Variants in VCPIP1 observed in about 807,000 individuals in gnomAD.
VCPIP1 encodes the protein deubiquitinating protein VCPIP1.
Under a neutral mutation model 85.0 loss-of-function variants are expected in VCPIP1, and 8 were observed. The ratio of observed to expected loss-of-function variants is 0.09; its 90% CI spans 0.06 to 0.17. The LOEUF (loss-of-function observed/expected upper bound fraction) is 0.17, where lower values mean the gene tolerates loss of function less well. VCPIP1 is among the 10% of genes least tolerant of loss of function. The pLI is 1.00. For missense variants in VCPIP1, 1,070 were observed against 1,486.3 expected, an observed-to-expected ratio of 0.72 and a Z score of 4.61; for synonymous variants, 543 against 544.5, an observed-to-expected ratio of 1.00 and a Z score of 0.04.
At chr8:66,652,198 G>C (rs1811061115) in intron 1 of VCPIP1, among the ~76,000 whole-genome samples, 2 of 151,964 alleles carry the variant, frequency 1.3e-5, no homozygotes, top group African/African-American at 4.8e-5. Context: ...TTCAAAAAAA[G>C]AAAAAACCAC....
chr8:66,665,466 G>T lies in VCPIP1; in HGVS notation c.1493C>A (p.Thr498Asn). The change falls in exon 1 of 3, where the codon ACT (threonine) becomes AAT (asparagine). Residue 498 changes from threonine (T) to asparagine (N), a missense_variant. By Grantham distance (65) the Thr-to-Asn change is moderately conservative (BLOSUM62 0). Transcript: ENST00000310421. The surrounding 1 kb of genome is among the most constrained non-coding windows in gnomAD (Gnocchi z 4.3). ...GGKLYNLAKS[T>N]HGQLRTDKNY... ...TTTGTCAGTCCTCAGCTGTCCATGA[G>T]TACTTTTTGCCAGGTTATACAATTT... 1 of 1,614,206 alleles carries T rather than the reference G, an allele frequency of 6.2e-7. No individual in the cohort carries two copies. Among genetic ancestry groups the T allele is most frequent in the Non-Finnish European group, 8.5e-7 (1 of 1,180,038 alleles).
Position 66,659,708 on chromosome 8 carries a change from A to G in VCPIP1, c.2710+4541T>C, listed in dbSNP as rs557305518. Among the ~76,000 whole-genome samples, 4 of 152,184 alleles carry G rather than the reference A, an allele frequency of 2.6e-5. No individual in the cohort carries two copies. In the South Asian group the frequency reaches 8.3e-4, roughly 32 times the overall value. On this transcript the variant is annotated intron_variant, in intron 1 of 2. Transcript: ENST00000310421. ...GCACTTTGGGAAGCCGAGGCGGTGGATTGTCTGAGCTCAGGAGTTCGAGAC... is the reference window on the plus strand; with the variant it reads ...GCACTTTGGGAAGCCGAGGCGGTGGGTTGTCTGAGCTCAGGAGTTCGAGAC...
At chr8:66,651,027 A>G (rs1347528471) in intron 2 of VCPIP1, among the ~76,000 whole-genome samples, 1 of 151,878 alleles carries the variant, frequency 6.6e-6, no homozygotes, top group East Asian at 1.9e-4. Flanking sequence ...CTCTACTAAA[A>G]ATACAAAATT....
rs1454792640 is a variant in VCPIP1 at position 66,629,376 on chromosome 8, C to A, written c.*5125G>T. 1 of 152,154 alleles carries A rather than the reference C, an allele frequency of 6.6e-6. No individual in the cohort carries two copies. The highest frequency in any genetic ancestry group is 1.5e-5 in the Non-Finnish European group (1 of 68,026). 9.4% of individuals were successfully genotyped at this position (152,154 alleles called of 1,614,324 possible). A position where few individuals can be genotyped will look rare whatever the true frequency, so the allele number is the denominator to read the frequency against. ...ATATACAATAAAACTTGGAAGTAAA[C>A]GTGTTGACTGCTAAGCTACACAAAC... On this transcript the variant is annotated 3_prime_UTR_variant, in exon 3 of 3. Coordinates refer to ENST00000310421, the MANE Select transcript of VCPIP1 (RefSeq NM_025054.5).
chr8:66,636,726 A>G (rs1310135428), intron 2 of VCPIP1, among the ~76,000 whole-genome samples: 1 of 151,928 alleles, frequency 6.6e-6, no homozygotes, highest in African/African-American at 2.4e-5. Context: ...CCTGGGCAAC[A>G]GAACAAGACT....
chr8:66,666,618 G>A lies in VCPIP1; in HGVS notation c.341C>T (p.Thr114Met), dbSNP rs1292653428. Residue 114 changes from threonine (T) to methionine (M), a missense_variant, in exon 1 of 3, where the codon ACG (threonine) becomes ATG (methionine). This residue lies in a region of VCPIP1 where 164 missense variants were observed against 158.6 expected (regional missense o/e 1.03). Transcript: ENST00000310421. This position sits in a 1 kb window ranked among gnomAD's most constrained non-coding sequence, Gnocchi z 6.3. ...LGVTGAPKKNTELVKVMGLSN... is the reference protein window; with the variant it reads ...LGVTGAPKKNMELVKVMGLSN... The stretch of plus-strand genomic sequence containing the variant: ...AAGGCCCATCACCTTTACCAGTTCC[G>A]TGTTCTTCTTGGGTGCCCCCGTAAC... 1.2e-6 allele frequency: 2 copies of A among 1,614,110 alleles called. No homozygotes were observed. Among genetic ancestry groups the A allele is most frequent in the South Asian group, 1.1e-5 (1 of 91,084 alleles).
At chr8:66,648,039 C>T (rs534227519) in intron 2 of VCPIP1, among the ~76,000 whole-genome samples, 11 of 152,082 alleles carry the variant, frequency 7.2e-5, no homozygotes, top group Admixed American at 3.9e-4. Context: ...CTGAGCAATC[C>T]GCTCACCTTG....
rs376867831 is a variant in VCPIP1 at position 66,648,074 on chromosome 8, G to C, written c.2797+3384C>G. Among the ~76,000 whole-genome samples the C allele has an allele frequency of 2.2e-4, 33 of 152,242 alleles. 1 individual carries two copies. The South Asian group carries it at 6.8e-3, about 32-fold the overall frequency. On this transcript the variant is annotated intron_variant, in intron 2 of 2. Coordinates refer to ENST00000310421, the MANE Select transcript of VCPIP1 (RefSeq NM_025054.5). ...GGCCTCCCAAAGTGCTGGGATTACAGGTGTGAGCCACAGTACCTGGCCAGT... is the reference window on the plus strand; with the variant it reads ...GGCCTCCCAAAGTGCTGGGATTACACGTGTGAGCCACAGTACCTGGCCAGT...
At position 66,634,726 on chromosome 8, in the gene VCPIP1, T is replaced by C. The variant is rs1368430350; in HGVS notation, c.3444A>G (p.Ala1148=). Residue 1148 remains alanine (A), a synonymous_variant, in exon 3 of 3, where the codon GCA becomes GCG. Transcript: ENST00000310421. Reference sequence around the variant, plus strand: ...AACCAGTCTGAAGACTCCCAGACTTTGCAGAAGAACTCACAACTTCTGTTT... The same window carrying C: ...AACCAGTCTGAAGACTCCCAGACTTCGCAGAAGAACTCACAACTTCTGTTT... ...QRKTEVVSSS[A]KSGSLQTGLP... is the part of the protein sequence containing the mutation. 4 of 1,614,218 alleles carry C rather than the reference T, an allele frequency of 2.5e-6. No individual in the cohort carries two copies. Among genetic ancestry groups the C allele is most frequent in the East Asian group, 2.2e-5 (1 of 44,890 alleles).
rs1413326611 is a variant in VCPIP1 at position 66,667,225 on chromosome 8, C to CAA, written c.-268_-267insTT. On this transcript the variant is annotated 5_prime_UTR_variant, in exon 1 of 3. Coordinates refer to ENST00000310421, the MANE Select transcript of VCPIP1 (RefSeq NM_025054.5). ...TCACTCACTCTCGCTCTCTCTCCCT[C>CAA]AGACACAGACATACACGCCCTCATT... 1 of 592,630 alleles carries CAA rather than the reference C, an allele frequency of 1.7e-6. No individual in the cohort carries two copies. Among genetic ancestry groups the CAA allele is most frequent in the Non-Finnish European group, 2.7e-6 (1 of 367,292 alleles). The allele number at this position is 592,630 out of a possible 1,614,324, so 36.7% of individuals were successfully genotyped here.
At position 66,664,939 on chromosome 8, in the gene VCPIP1, G is replaced by C. The variant is rs1563572849; in HGVS notation, c.2020C>G (p.Gln674Glu). ...TPVNIDGAHAQRVGDVQGQES... is the reference protein window; with the variant it reads ...TPVNIDGAHAERVGDVQGQES... ...TGTCCTTGAACATCTCCAACTCTTTGGGCGTGAGCACCATCTATATTTACA... is the reference window on the plus strand; with the variant it reads ...TGTCCTTGAACATCTCCAACTCTTTCGGCGTGAGCACCATCTATATTTACA... Residue 674 changes from glutamine (Q) to glutamate (E), a missense_variant, in exon 1 of 3, where the codon CAA becomes GAA. Around this residue, in one of 8 missense-constraint regions of VCPIP1, gnomAD observed 278 missense variants for 298.5 expected, o/e 0.93. Transcript: ENST00000310421. The C allele has an allele frequency of 6.2e-7, 1 of 1,613,984 alleles. No homozygotes were observed. The highest frequency in any genetic ancestry group is 1.3e-5 in the African/African-American group (1 of 74,918).
rs992864643 is a variant in VCPIP1 at position 66,631,038 on chromosome 8, C to A, written c.*3463G>T. 1.3e-5 allele frequency: 2 copies of A among 151,832 alleles called. No homozygotes were observed. The highest frequency in any genetic ancestry group is 4.8e-5 in the African/African-American group (2 of 41,318). The allele number at this position is 151,832 out of a possible 1,614,324, so 9.4% of individuals were successfully genotyped here. On this transcript the variant is annotated 3_prime_UTR_variant, in exon 3 of 3. Transcript: ENST00000310421. ...TGCATTTACTCAACTTAGAATATGG[C>A]GCTATTATTATTATAAATGGTGGTT...
chr8:66,654,699 C>T (rs192698698), intron 1 of VCPIP1, among the ~76,000 whole-genome samples: 9 of 152,322 alleles, frequency 5.9e-5, no homozygotes, highest in Non-Finnish European at 1.2e-4. Flanking sequence ...GCACCACTCT[C>T]CTATGGCTCT....
chr8:66,652,918 C>T (rs538423753), intron 1 of VCPIP1, among the ~76,000 whole-genome samples: 4 of 152,224 alleles, frequency 2.6e-5, no homozygotes, highest in African/African-American at 9.6e-5. Context: ...TAACTTTTGT[C>T]TTCCCTACAT....
intron 2 of VCPIP1, among the ~76,000 whole-genome samples, chr8:66,637,751 C>G (rs1190993275): frequency 6.6e-6 from 1 of 151,960 alleles, no homozygotes; most frequent in African/African-American, 2.4e-5. Context: ...GGGCGGATCA[C>G]AAGGTCAGGA....
chr8:66,662,390 T>C lies in VCPIP1; in HGVS notation c.2710+1859A>G, dbSNP rs74197440. Among the ~76,000 whole-genome samples, 143 of 152,344 alleles carry C rather than the reference T, an allele frequency of 9.4e-4. 3 individuals are homozygous for C. In the East Asian group the frequency reaches 0.024, roughly 26 times the overall value. On this transcript the variant is annotated intron_variant, in intron 1 of 2. Transcript: ENST00000310421. ...CCTTTTTCCTTTGTACAGCAGTATA[T>C]GAACATTGCCGAATTCTGCTTTTCA...
rs879344576 is a variant in VCPIP1 at position 66,632,749 on chromosome 8, C to A, written c.*1752G>T. The A allele has an allele frequency of 6.6e-6, 1 of 151,990 alleles. No individual in the cohort carries two copies. Among genetic ancestry groups the A allele is most frequent in the Admixed American group, 6.6e-5 (1 of 15,256 alleles). The allele number at this position is 151,990 out of a possible 1,614,324, so 9.4% of individuals were successfully genotyped here. A position where few individuals can be genotyped will look rare whatever the true frequency, so the allele number is the denominator to read the frequency against. ...GGTTAGTGAAGTGATATTTGTAATT[C>A]GTAGTTTAATACACAGAAGCCACCT... On this transcript the variant is annotated 3_prime_UTR_variant, in exon 3 of 3. Transcript: ENST00000310421.
Position 66,667,168 on chromosome 8 carries a change from G to A in VCPIP1, c.-210C>T, listed in dbSNP as rs188316030. ...CACTGCCGTAGCCGTTGCCCCGAAC[G>A]TAACGGCCACCACCCCACCCCGCAC... On this transcript the variant is annotated 5_prime_UTR_variant, in exon 1 of 3. In the 5' UTR this introduces an upstream ATG that the reference lacks. Transcript: ENST00000310421. 2.9e-5 allele frequency: 33 copies of A among 1,124,886 alleles called. No individual in the cohort carries two copies. The South Asian group carries it at 5.7e-4, about 19-fold the overall frequency. 69.7% of individuals were successfully genotyped at this position (1,124,886 alleles called of 1,614,324 possible).
At chr8:66,638,985 T>TATATATATATATATATATATATATAC (rs1302544149) in intron 2 of VCPIP1, among the ~76,000 whole-genome samples, 1 of 148,944 alleles carries the variant, frequency 6.7e-6, no homozygotes, top group African/African-American at 2.5e-5. Flanking sequence ...TATATATATA[T>TATATATATATATATATATATATATAC]ACATATATTT....
Sources: gnomAD v4.1 joint callset for allele counts (sites outside exome capture counted in the v4.1 genomes callset) on GRCh38, gnomAD v4.1.1 for gene constraint, gnomAD v4.1.1 regional missense constraint, Gnocchi (gnomAD v3.1) non-coding constraint, MANE v1.5 for transcripts, NCBI Gene and HGNC (gene_info 2026-07-23, HGNC 2026-07-21) for gene names.